NIBAN1: variants seen among roughly 807,000 people sequenced by gnomAD.
The protein encoded by NIBAN1 is protein Niban 1.
NIBAN1 carries 81 observed loss-of-function variants against 75.1 expected under a neutral mutation model. That is an observed-to-expected ratio of 1.08 (90% CI 0.90 to 1.30). The LOEUF (loss-of-function observed/expected upper bound fraction) is 1.30. Among genes scored for constraint, NIBAN1 ranks in the 50% most tolerant of loss-of-function variants. The probability of loss-of-function intolerance (pLI) is 0.00; values close to 1 mark genes in which losing one functional copy is unlikely to be tolerated. For missense variants in NIBAN1, 1,133 were observed against 1,128.1 expected, an observed-to-expected ratio of 1.00 and a Z score of -0.06; for synonymous variants, 436 against 424.8, an observed-to-expected ratio of 1.03 and a Z score of -0.32.
chr1:184,823,069 G>T, intron 8 of NIBAN1, 98 bp downstream of exon 8: 1 of 1,403,712 alleles, frequency 7.1e-7, no homozygotes, highest in Non-Finnish European at 9.7e-7. Context: ...AATTTCTTAA[G>T]TGTAATTATC....
intron 5 of NIBAN1, among the ~76,000 whole-genome samples, chr1:184,857,653 T>A (rs1190502572): frequency 6.6e-6 from 1 of 152,164 alleles, no homozygotes; most frequent in East Asian, 1.9e-4. Flanking sequence ...GCAATCAAAT[T>A]AAAATTGCAT....
At chr1:184,957,395 T>C (rs988775937) in intron 1 of NIBAN1, among the ~76,000 whole-genome samples, 5 of 152,266 alleles carry the variant, frequency 3.3e-5, no homozygotes, top group African/African-American at 1.2e-4. Flanking sequence ...TTCAACAAGC[T>C]GTTGAAAAGA....
intron 1 of NIBAN1, among the ~76,000 whole-genome samples, chr1:184,914,066 C>T (rs1348576480): frequency 6.6e-6 from 1 of 152,202 alleles, no homozygotes; most frequent in Non-Finnish European, 1.5e-5. Flanking sequence ...AGAGCTTGTT[C>T]AATCTCAGCA....
chr1:184,916,069 A>G (rs997809272), intron 1 of NIBAN1, among the ~76,000 whole-genome samples: 1 of 152,258 alleles, frequency 6.6e-6, no homozygotes, highest in African/African-American at 2.4e-5. Context: ...ATGGAATACA[A>G]TGGGATTCTT....
At chr1:184,939,521 G>A (rs1384619240) in intron 1 of NIBAN1, among the ~76,000 whole-genome samples, 1 of 152,152 alleles carries the variant, frequency 6.6e-6, no homozygotes, top group African/African-American at 2.4e-5. Context: ...GCAGAATTTA[G>A]TTCCCTTTCT....
intron 9 of NIBAN1, among the ~76,000 whole-genome samples, chr1:184,812,104 G>C (rs762232034): frequency 6.6e-6 from 1 of 152,112 alleles, no homozygotes; most frequent in Non-Finnish European, 1.5e-5. Context: ...TGGCCTCCCT[G>C]AGCTCTTCAC....
intron 1 of NIBAN1, among the ~76,000 whole-genome samples, chr1:184,952,727 G>A (rs1231225852): frequency 6.6e-6 from 1 of 152,164 alleles, no homozygotes; most frequent in Non-Finnish European, 1.5e-5. Context: ...AGGTTTATAA[G>A]TTCATCCTAA....
At chr1:184,807,516 G>T (rs539362) in intron 10 of NIBAN1, among the ~76,000 whole-genome samples, 1 of 151,980 alleles carries the variant, frequency 6.6e-6, no homozygotes, top group African/African-American at 2.4e-5. Flanking sequence ...GGCTGGGTGT[G>T]GTGGCTTATG....
intron 4 of NIBAN1, among the ~76,000 whole-genome samples, chr1:184,886,362 C>T (rs1431160058): frequency 3.3e-5 from 5 of 152,186 alleles, no homozygotes; most frequent in Admixed American, 2.0e-4. Flanking sequence ...CCACTGTGAA[C>T]GTCTAGAGAT....
rs372237525 is a variant in NIBAN1 at position 184,795,786 on chromosome 1, C to T, written c.1978G>A (p.Val660Met). ...DGTEQVIISR[V>M]DDPVVNPVAT... ...ACAGGATTCACCACGGGGTCATCCACTCTTGAAATAATCACCTGCTCAGTC... is the reference window on the plus strand; with the variant it reads ...ACAGGATTCACCACGGGGTCATCCATTCTTGAAATAATCACCTGCTCAGTC... Residue 660 changes from valine (V) to methionine (M), a missense_variant, in exon 14 of 14, where the codon GTG becomes ATG. Coordinates refer to ENST00000367511, the MANE Select transcript of NIBAN1 (RefSeq NM_052966.4). 3 of 1,611,200 alleles carry T rather than the reference C, an allele frequency of 1.9e-6. No homozygotes were observed. Among genetic ancestry groups the T allele is most frequent in the Non-Finnish European group, 2.5e-6 (3 of 1,178,354 alleles).
chr1:184,853,582 C>T (rs1655599376), intron 5 of NIBAN1, among the ~76,000 whole-genome samples: 1 of 152,174 alleles, frequency 6.6e-6, no homozygotes, highest in Non-Finnish European at 1.5e-5. Context: ...ATTCTTTGTT[C>T]CTTACTTCCA....
intron 1 of NIBAN1, among the ~76,000 whole-genome samples, chr1:184,917,369 T>C (rs1183677928): frequency 1.9e-3 from 10 of 5,296 alleles, no homozygotes. Context: ...GCCCGGCTAA[T>C]TTTTTTTTTT....
chr1:184,962,018 C>T (rs1248461844), intron 1 of NIBAN1, among the ~76,000 whole-genome samples: 1 of 152,198 alleles, frequency 6.6e-6, no homozygotes, highest in Non-Finnish European at 1.5e-5. Context: ...TTCTTTGTTA[C>T]GTTCCCATGA....
intron 11 of NIBAN1, among the ~76,000 whole-genome samples, chr1:184,805,010 G>A (rs1016273512): frequency 4.6e-5 from 7 of 152,052 alleles, no homozygotes; most frequent in Non-Finnish European, 7.4e-5. Flanking sequence ...GGATGGTCTC[G>A]ATCTCCTGAC....
rs1163692430 is a variant in NIBAN1 at position 184,795,101 on chromosome 1, A to G, written c.2663T>C (p.Ile888Thr). The change falls in exon 14 of 14, where the codon ATT (isoleucine) becomes ACT (threonine). Residue 888 changes from isoleucine (I) to threonine (T), a missense_variant. By Grantham distance (89) the Ile-to-Thr change is moderately conservative. Transcript: ENST00000367511. Reference protein sequence around the residue: ...VNAEEIKVARIHECQWVVEDA... With the variant: ...VNAEEIKVARTHECQWVVEDA... ...CTCCACCACCCACTGACACTCATGA[A>G]TACGGGCTACCTTGATCTCCTCTGC... 6.2e-7 allele frequency: 1 copy of G among 1,613,978 alleles called. No individual in the cohort carries two copies. The highest frequency in any genetic ancestry group is 8.5e-7 in the Non-Finnish European group (1 of 1,180,046).
chr1:184,795,803 T>G lies in NIBAN1; in HGVS notation c.1961A>C (p.Gln654Pro). 6.2e-7 allele frequency: 1 copy of G among 1,610,100 alleles called. No homozygotes were observed. Among genetic ancestry groups the G allele is most frequent in the Non-Finnish European group, 8.5e-7 (1 of 1,177,668 alleles). The change falls in exon 14 of 14, where the codon CAG (glutamine) becomes CCG (proline). Residue 654 changes from glutamine (Q) to proline (P), a missense_variant. Gln to Pro is a moderately conservative substitution (Grantham distance 76). Coordinates refer to ENST00000367511, the MANE Select transcript of NIBAN1 (RefSeq NM_052966.4). The part of the protein sequence containing the change: ...GPSPPPDGTE[Q>P]VIISRVDDPV... Reference sequence around the variant, plus strand: ...GTCATCCACTCTTGAAATAATCACCTGCTCAGTCCCATCTGGGGGTGGGCT... The same window carrying G: ...GTCATCCACTCTTGAAATAATCACCGGCTCAGTCCCATCTGGGGGTGGGCT...
intron 10 of NIBAN1, 105 bp downstream of exon 10, chr1:184,807,969 G>A (rs752088846): frequency 1.6e-5 from 21 of 1,321,252 alleles, no homozygotes; most frequent in South Asian, 1.1e-4. Context: ...AAAGAGACGC[G>A]ACGTATTTCC....
chr1:184,889,976 C>G (rs1656623051), intron 4 of NIBAN1, 132 bp downstream of exon 4: 1 of 698,230 alleles, frequency 1.4e-6, no homozygotes, highest in African/African-American at 1.8e-5. Context: ...CCAATTGTGA[C>G]AAACAAAAAT....
intron 5 of NIBAN1, among the ~76,000 whole-genome samples, chr1:184,871,731 A>G (rs1656114679): frequency 6.6e-6 from 1 of 152,226 alleles, no homozygotes; most frequent in East Asian, 1.9e-4. Flanking sequence ...TACCAGAATC[A>G]AAGAACCAAT....
Sources: gnomAD v4.1 joint callset for allele counts (sites outside exome capture counted in the v4.1 genomes callset) on GRCh38, gnomAD v4.1.1 for gene constraint, MANE v1.5 for transcripts, NCBI Gene and HGNC (gene_info 2026-07-23, HGNC 2026-07-21) for gene names.